The following MTUS2 variants were observed in gnomAD, a reference collection of about 807,000 sequenced individuals.
MTUS2 encodes microtubule-associated tumor suppressor candidate 2.
Under a neutral mutation model 114.1 loss-of-function variants are expected in MTUS2, and 40 were observed. The ratio of observed to expected loss-of-function variants is 0.35; its 90% CI spans 0.27 to 0.46. The LOEUF is 0.46. Ranked by LOEUF, MTUS2 falls within the 20% of genes least tolerant of loss-of-function variation. The pLI, the probability that MTUS2 is intolerant of heterozygous loss-of-function variation, is 1.00. For synonymous variants in MTUS2, 688 were observed against 672.0 expected (o/e 1.02, Z -0.37); for missense variants, 1,679 against 1,705.4 (o/e 0.98, Z 0.27).
At chr13:28,952,712 A>G (rs182419856) in intron 2 of MTUS2, among the ~76,000 whole-genome samples, 257 of 152,314 alleles carry the variant, frequency 1.7e-3, no homozygotes, top group African/African-American at 5.8e-3. Flanking sequence ...ACTTTTCTGT[A>G]TCTTAGTTTT....
At chr13:29,235,573 G>A (rs1896504928) in intron 5 of MTUS2, among the ~76,000 whole-genome samples, 1 of 151,934 alleles carries the variant, frequency 6.6e-6, no homozygotes, top group African/African-American at 2.4e-5. Context: ...TTAAACGTGT[G>A]GTCTGAAATG....
At chr13:29,061,602 G>GTC (rs10686217) in intron 4 of MTUS2, among the ~76,000 whole-genome samples, 147,730 of 152,216 alleles carry the variant, frequency 0.97, 71,712 homozygotes, top group Non-Finnish European at 0.98. Flanking sequence ...CCAAACTTTG[G>GTC]TCTGTATCTT....
chr13:29,419,189 A>G (rs1875896261), intron 8 of MTUS2, among the ~76,000 whole-genome samples: 1 of 152,166 alleles, frequency 6.6e-6, no homozygotes, highest in Non-Finnish European at 1.5e-5. Context: ...CATGGGTCAT[A>G]CATTGTACCT....
chr13:28,931,189 C>T (rs111345676), intron 2 of MTUS2, among the ~76,000 whole-genome samples: 65 of 152,216 alleles, frequency 4.3e-4, no homozygotes, highest in Admixed American at 7.2e-4. Context: ...TCTGTATCCT[C>T]GGGTTCTGCA....
At chr13:28,858,269 T>C (rs1015944458) in intron 2 of MTUS2, among the ~76,000 whole-genome samples, 5 of 152,150 alleles carry the variant, frequency 3.3e-5, no homozygotes, top group Non-Finnish European at 7.4e-5. Context: ...TGTAAGTGTA[T>C]TATACTGGGG....
At chr13:29,232,694 CTA>C (rs1896382399) in intron 5 of MTUS2, among the ~76,000 whole-genome samples, 2 of 152,114 alleles carry the variant, frequency 1.3e-5, no homozygotes, top group African/African-American at 2.4e-5. Context: ...ATAGATTTGA[CTA>C]TGTGGAGAGA....
At chr13:29,472,174 G>T (rs1267913058) in intron 9 of MTUS2, among the ~76,000 whole-genome samples, 1 of 152,138 alleles carries the variant, frequency 6.6e-6, no homozygotes, top group Non-Finnish European at 1.5e-5. Context: ...ACAGGCACGT[G>T]CCACCAAGCC....
chr13:29,308,882 A>G (rs1566122143), intron 6 of MTUS2, among the ~76,000 whole-genome samples: 3 of 151,850 alleles, frequency 2.0e-5, no homozygotes, highest in Non-Finnish European at 1.5e-5. Flanking sequence ...TACTATTACA[A>G]AGTTAAAAAC....
chr13:29,107,821 C>T (rs1418542460), intron 5 of MTUS2, among the ~76,000 whole-genome samples: 1 of 152,082 alleles, frequency 6.6e-6, no homozygotes, highest in Admixed American at 6.6e-5. Context: ...CACTTCTCAG[C>T]CTTTTGGCTA....
At chr13:29,005,964 T>A (rs1268996673) in intron 2 of MTUS2, among the ~76,000 whole-genome samples, 2 of 152,252 alleles carry the variant, frequency 1.3e-5, no homozygotes, top group South Asian at 2.1e-4. Context: ...AATTCTTTTC[T>A]TATCTGATTG....
At chr13:29,204,451 G>A (rs1014287113) in intron 5 of MTUS2, among the ~76,000 whole-genome samples, 5 of 152,294 alleles carry the variant, frequency 3.3e-5, no homozygotes, top group South Asian at 2.1e-4. Context: ...GCTCAGGAGC[G>A]GTGGCCTGTT....
At chr13:29,056,432 A>C (rs1888137093) in intron 4 of MTUS2, among the ~76,000 whole-genome samples, 1 of 152,032 alleles carries the variant, frequency 6.6e-6, no homozygotes, top group African/African-American at 2.4e-5. Flanking sequence ...TCTTATTTAT[A>C]CATTGTTTAG....
intron 2 of MTUS2, among the ~76,000 whole-genome samples, chr13:29,018,391 C>G (rs1009168236): frequency 2.6e-5 from 4 of 152,180 alleles, no homozygotes; most frequent in Non-Finnish European, 5.9e-5. Context: ...ACCAAAAAAA[C>G]ATGGGTCACT....
intron 5 of MTUS2, among the ~76,000 whole-genome samples, chr13:29,181,016 A>G (rs1893980984): frequency 6.6e-6 from 1 of 152,208 alleles, no homozygotes; most frequent in Admixed American, 6.5e-5. Flanking sequence ...AACTCTTTCT[A>G]TAGCATAGAG....
chr13:29,065,269 C>A (rs534676298), intron 4 of MTUS2, among the ~76,000 whole-genome samples: 1 of 152,118 alleles, frequency 6.6e-6, no homozygotes, highest in African/African-American at 2.4e-5. Context: ...GTTCCTTTTT[C>A]GCCACAACCT....
rs751020009 is a variant in MTUS2 at position 29,071,409 on chromosome 13, A to ATTTTTTTTTTTTTTTTTTTTT, written c.2447-29350_2447-29330dup. 3.9e-4 allele frequency among the ~76,000 whole-genome samples: 18 copies of ATTTTTTTTTTTTTTTTTTTTT among 46,142 alleles called. 3 individuals carry two copies. The highest frequency in any genetic ancestry group is 1.8e-3 in the East Asian group (2 of 1,106). 30.3% of individuals were successfully genotyped at this position (46,142 alleles called of 152,430 possible). A position where few individuals can be genotyped will look rare whatever the true frequency, so the allele number is the denominator to read the frequency against. Reference sequence around the variant, plus strand: ...TTTAAAAGATCTCTATGTTGCTTGAATTTTTTTTTTTTTTTTTTTTTTTTT... The same window carrying ATTTTTTTTTTTTTTTTTTTTT: ...TTTAAAAGATCTCTATGTTGCTTGAATTTTTTTTTTTTTTTTTTTTTTTTTTTTTTTTTTTTTTTTTTTTTT... On this transcript the variant is annotated intron_variant, in intron 4 of 15. Transcript: ENST00000612955.
chr13:29,042,182 G>C (rs1220854835), intron 4 of MTUS2, among the ~76,000 whole-genome samples: 8 of 151,962 alleles, frequency 5.3e-5, no homozygotes, highest in Non-Finnish European at 1.2e-4. Context: ...TAAAGGGATG[G>C]TGGATTTTGT....
chr13:29,303,001 T>C (rs1291528121), intron 6 of MTUS2, among the ~76,000 whole-genome samples: 1 of 152,100 alleles, frequency 6.6e-6, no homozygotes, highest in Non-Finnish European at 1.5e-5. Flanking sequence ...TAACCACATA[T>C]GGGAGAAACT....
At chr13:28,974,100 T>A (rs1255414495) in intron 2 of MTUS2, among the ~76,000 whole-genome samples, 1 of 152,214 alleles carries the variant, frequency 6.6e-6, no homozygotes, top group Non-Finnish European at 1.5e-5. Context: ...ATTTTCTGTC[T>A]TTGATGCTTG....
Sources: gnomAD v4.1 joint callset for allele counts (sites outside exome capture counted in the v4.1 genomes callset) on GRCh38, gnomAD v4.1.1 for gene constraint, MANE v1.5 for transcripts, NCBI Gene and HGNC (gene_info 2026-07-23, HGNC 2026-07-21) for gene names.